Variants in SLC4A7 observed in about 807,000 individuals in gnomAD.
SLC4A7 encodes the protein sodium bicarbonate cotransporter 3.
A neutral mutation model predicts 137.6 loss-of-function variants in SLC4A7; 51 were observed. The ratio of observed to expected loss-of-function variants is 0.37; its 90% confidence interval spans 0.30 to 0.47. The LOEUF is 0.47. Ranked by LOEUF, SLC4A7 falls within the 20% of genes least tolerant of loss-of-function variation. The pLI, the probability that SLC4A7 is intolerant of heterozygous loss-of-function variation, is 1.00. For missense variants in SLC4A7, 1,247 were observed against 1,525.4 expected, an observed-to-expected ratio of 0.82 and a Z score of 3.04; for synonymous variants, 542 against 518.6, an observed-to-expected ratio of 1.05 and a Z score of -0.61.
In SLC4A7 at chr3:27,445,945, AAAAAAAAAAAAAAAAAAAATATATAT is replaced by A. The variant is rs2057568219; in HGVS notation, c.289+2680_289+2705del. On this transcript the variant is annotated intron_variant, in intron 3 of 25. Transcript: ENST00000454389. Reference sequence around the variant, plus strand: ...AGGCTCAGTCTCAAAAAAAAAAAAAAAAAAAAAAAAAAAAAAAAATATATATATATATATATATATATATATAGTGC... The same window carrying A: ...AGGCTCAGTCTCAAAAAAAAAAAAAAATATATATATATATATATATAGTGC... 5.7e-5 allele frequency among the ~76,000 whole-genome samples: 3 copies of A among 52,630 alleles called. No homozygotes were observed. The South Asian group carries it at 2.2e-3, about 38-fold the overall frequency. The allele number at this position is 52,630 out of a possible 152,430, so 34.5% of individuals were successfully genotyped here. A position where few individuals can be genotyped will look rare whatever the true frequency, so the allele number is the denominator to read the frequency against.
chr3:27,436,612 TG>T lies in SLC4A7; in HGVS notation c.429-65del, dbSNP rs1479105556. 12 of 990,638 alleles carry T rather than the reference TG, an allele frequency of 1.2e-5. No individual in the cohort carries two copies. The East Asian group carries it at 3.4e-4, about 28-fold the overall frequency. The allele number at this position is 990,638 out of a possible 1,614,324, so 61.4% of individuals were successfully genotyped here. A position where few individuals can be genotyped will look rare whatever the true frequency, so the allele number is the denominator to read the frequency against. On this transcript the variant is annotated intron_variant, in intron 4 of 25. Transcript: ENST00000454389. The stretch of plus-strand genomic sequence containing the variant: ...AAGATTCCATTTGTTTATCTTAATG[TG>T]ATAAAGAAACATTTGTTCTTTAAAG...
intron 6 of SLC4A7, chr3:27,433,220 A>G (rs1340204430): frequency 6.6e-6 from 1 of 152,240 alleles, no homozygotes; most frequent in Non-Finnish European, 1.5e-5. Context: ...GCTTACAGCA[A>G]CTACTGGAGG....
At chr3:27,390,278 G>T in intron 21 of SLC4A7, 174 bp from the exon 22 acceptor site, 2 of 347,750 alleles carry the variant, frequency 5.8e-6, no homozygotes, top group South Asian at 4.8e-5. Flanking sequence ...GTGGGGTCGG[G>T]TGGGGGAGGG....
intron 3 of SLC4A7, among the ~76,000 whole-genome samples, chr3:27,445,220 A>T (rs899519742): frequency 5.3e-5 from 8 of 152,174 alleles, no homozygotes; most frequent in Admixed American, 4.6e-4. Flanking sequence ...CAGACCAGTG[A>T]TCAGCCAAAC....
Position 27,431,685 on chromosome 3 carries a change from T to C in SLC4A7, c.779-16A>G, listed in dbSNP as rs527789794. ...AGGCCTTCCCCTGAGATAAAACAAA[T>C]AAATGAAAAATGATGAAGTCCACTG... On this transcript the variant is annotated splice_polypyrimidine_tract_variant and intron_variant, in intron 6 of 25. Transcript: ENST00000454389. 4.7e-6 allele frequency: 7 copies of C among 1,500,010 alleles called. No individual in the cohort carries two copies. The highest frequency in any genetic ancestry group is 4.7e-5 in the East Asian group (2 of 42,766). 92.9% of individuals were successfully genotyped at this position (1,500,010 alleles called of 1,614,324 possible).
chr3:27,442,548 C>T (rs1216851433), intron 3 of SLC4A7, among the ~76,000 whole-genome samples: 1 of 151,762 alleles, frequency 6.6e-6, no homozygotes, highest in African/African-American at 2.4e-5. Flanking sequence ...TCTTGTGCCT[C>T]AGCTGGGATA....
chr3:27,419,570 A>G (rs1454359096), intron 10 of SLC4A7, among the ~76,000 whole-genome samples: 1 of 151,100 alleles, frequency 6.6e-6, no homozygotes, highest in East Asian at 2.1e-4. Flanking sequence ...TCCCGACCTC[A>G]AGTGATCCAC....
At chr3:27,475,425 T>A (rs914604464) in intron 1 of SLC4A7, among the ~76,000 whole-genome samples, 1 of 151,694 alleles carries the variant, frequency 6.6e-6, no homozygotes, top group African/African-American at 2.4e-5. Flanking sequence ...CAAAGCCACC[T>A]AAGTGGCATA....
At chr3:27,384,034 G>C (rs545288514) in intron 23 of SLC4A7, among the ~76,000 whole-genome samples, 1 of 152,112 alleles carries the variant, frequency 6.6e-6, no homozygotes, top group African/African-American at 2.4e-5. Context: ...CAGTGGACAC[G>C]GAAGAAAATT....
chr3:27,390,096 G>A lies in SLC4A7; in HGVS notation c.3195C>T (p.Asp1065=), dbSNP rs1231051829. The change falls in exon 22 of 26, where the codon GAC becomes GAT. Residue 1065 remains aspartate, a synonymous_variant. Transcript: ENST00000454389. ...CAGGCATTCCAAATAATTTTATACG[G>A]TCAAATAACTACATATAGAATAAAA... ...VSSLKGIQLF[D]RIKLFGMPAK... is the part of the protein sequence containing the mutation. 1.3e-6 allele frequency: 2 copies of A among 1,582,598 alleles called. No homozygotes were observed. The highest frequency in any genetic ancestry group is 1.7e-6 in the Non-Finnish European group (2 of 1,155,238).
intron 11 of SLC4A7, among the ~76,000 whole-genome samples, chr3:27,412,754 T>G (rs1366114018): frequency 6.6e-6 from 1 of 152,202 alleles, no homozygotes; most frequent in African/African-American, 2.4e-5. Flanking sequence ...ATTTAATCAT[T>G]TAATTGAATT....
chr3:27,477,482 C>T (rs73822344), intron 1 of SLC4A7, among the ~76,000 whole-genome samples: 4,673 of 152,302 alleles, frequency 0.031, 251 homozygotes, highest in African/African-American at 0.11. Context: ...AACCACTGCT[C>T]GTCCCCTTCT....
Position 27,398,226 on chromosome 3 carries a change from T to C in SLC4A7, c.2555A>G (p.Lys852Arg). ...AAAGTAACGCTTGGTCTTAAATTGC[T>C]TGAGGAATGAAGACAGAAAAAATGT... Reference protein sequence around the residue: ...FTTFFLSSFLKQFKTKRYFPT... With the variant: ...FTTFFLSSFLRQFKTKRYFPT... Residue 852 changes from lysine to arginine, a missense_variant, in exon 17 of 26, where the codon AAG (lysine) becomes AGG (arginine). Around this residue, in one of 6 missense-constraint regions of SLC4A7, gnomAD observed 499 missense variants for 664.2 expected, o/e 0.75. Coordinates refer to ENST00000454389, the MANE Select transcript of SLC4A7 (RefSeq NM_001321103.2). 6.2e-7 allele frequency: 1 copy of C among 1,613,016 alleles called. No individual in the cohort carries two copies. Among genetic ancestry groups the C allele is most frequent in the Non-Finnish European group, 8.5e-7 (1 of 1,179,264 alleles).
intron 1 of SLC4A7, among the ~76,000 whole-genome samples, chr3:27,461,939 G>T (rs925064483): frequency 6.6e-6 from 1 of 152,014 alleles, no homozygotes; most frequent in Non-Finnish European, 1.5e-5. Flanking sequence ...TCCAGCCTGG[G>T]AAACAGTGCG....
At chr3:27,432,333 A>C (rs2056380245) in intron 6 of SLC4A7, among the ~76,000 whole-genome samples, 1 of 152,204 alleles carries the variant, frequency 6.6e-6, no homozygotes, top group South Asian at 2.1e-4. Context: ...AATATTAATA[A>C]ATGTCCTAAA....
chr3:27,473,156 T>C (rs1379617345), intron 1 of SLC4A7, among the ~76,000 whole-genome samples: 1 of 151,834 alleles, frequency 6.6e-6, no homozygotes, highest in Non-Finnish European at 1.5e-5. Context: ...AAGCTGGGCA[T>C]GGTGTGTGTG....
intron 22 of SLC4A7, 62 bp from the exon 23 acceptor site, chr3:27,386,085 G>C (rs1367595926): frequency 7.9e-7 from 1 of 1,268,894 alleles, no homozygotes; most frequent in Non-Finnish European, 1.1e-6. Context: ...CACTTAAAGA[G>C]GAAAAGCATA....
At chr3:27,418,072 T>G (rs769603588) in intron 11 of SLC4A7, among the ~76,000 whole-genome samples, 1 of 152,132 alleles carries the variant, frequency 6.6e-6, no homozygotes, top group Non-Finnish European at 1.5e-5. Context: ...AGCAAAAGAC[T>G]GGTAACATCA....
At chr3:27,483,978 G>C (rs941412978) in intron 1 of SLC4A7, 89 bp downstream of exon 1, 16 of 1,062,272 alleles carry the variant, frequency 1.5e-5, no homozygotes, top group Non-Finnish European at 1.8e-5. Context: ...AGGTGGCCGA[G>C]CCGCGACGCC....
Sources: gnomAD v4.1 joint callset for allele counts (sites outside exome capture counted in the v4.1 genomes callset) on GRCh38, gnomAD v4.1.1 for gene constraint, gnomAD v4.1.1 regional missense constraint, MANE v1.5 for transcripts, NCBI Gene and HGNC (gene_info 2026-07-23, HGNC 2026-07-21) for gene names.